The following RABGEF1 variants were observed in gnomAD, a reference collection of about 807,000 sequenced individuals.
RABGEF1 encodes the protein RAB guanine nucleotide exchange factor 1.
In RABGEF1, 26 loss-of-function variants were observed where a neutral mutation model predicts 57.3. The observed-to-expected ratio is 0.45, with a 90% CI of 0.33 to 0.63. The LOEUF is 0.63. RABGEF1 is among the 20% of genes least tolerant of loss of function. The pLI is 0.02. For synonymous variants in RABGEF1, 185 were observed against 210.7 expected (o/e 0.88, Z 1.06); for missense variants, 464 against 607.6 (o/e 0.76, Z 2.48).
At chr7:66,792,363 C>T (rs1461327590) in intron 4 of RABGEF1, among the ~76,000 whole-genome samples, 2 of 152,206 alleles carry the variant, frequency 1.3e-5, no homozygotes, top group Admixed American at 1.3e-4. Flanking sequence ...CATGGTTTCA[C>T]AGATACTGGC....
chr7:66,694,155 G>T (rs1307294273), intron 1 of RABGEF1, among the ~76,000 whole-genome samples: 1 of 152,208 alleles, frequency 6.6e-6, no homozygotes, highest in South Asian at 2.1e-4. Context: ...CCTGCAGAGA[G>T]AGCAGAAGGA....
chr7:66,708,914 G>A (rs535183026), intron 1 of RABGEF1, among the ~76,000 whole-genome samples: 1 of 151,966 alleles, frequency 6.6e-6, no homozygotes, highest in South Asian at 2.1e-4. Flanking sequence ...GGGGGATAGG[G>A]AAAAAAAGAA....
At chr7:66,739,372 G>C (rs1055295491), upstream of RABGEF1, among the ~76,000 whole-genome samples, 1 of 151,400 alleles carries the variant, frequency 6.6e-6, no homozygotes, top group Non-Finnish European at 1.5e-5. Flanking sequence ...TGAGAAACTC[G>C]GGCCGGGCGC....
intron 1 of RABGEF1, among the ~76,000 whole-genome samples, chr7:66,750,292 C>T (rs938882939): frequency 1.3e-5 from 2 of 152,222 alleles, no homozygotes; most frequent in African/African-American, 4.8e-5. Flanking sequence ...TACCCATATG[C>T]TAACTGCTGA....
intron 1 of RABGEF1, among the ~76,000 whole-genome samples, chr7:66,706,212 T>C (rs1288392985): frequency 6.6e-6 from 1 of 151,908 alleles, no homozygotes; most frequent in Admixed American, 6.6e-5. Flanking sequence ...TGTTTATTCA[T>C]TCATTCTTTT....
At chr7:66,788,873 T>C (rs1440546317) in intron 4 of RABGEF1, among the ~76,000 whole-genome samples, 1 of 152,012 alleles carries the variant, frequency 6.6e-6, no homozygotes, top group Non-Finnish European at 1.5e-5. Context: ...GAGAATCACT[T>C]GAACCTGGGA....
At chr7:66,777,070 G>A (rs1808729993) in intron 3 of RABGEF1, among the ~76,000 whole-genome samples, 1 of 152,190 alleles carries the variant, frequency 6.6e-6, no homozygotes, top group South Asian at 2.1e-4. Context: ...ACACACAGTA[G>A]ATCTCCAGTA....
chr7:66,697,092 C>T (rs567881570), intron 1 of RABGEF1, among the ~76,000 whole-genome samples: 8 of 152,154 alleles, frequency 5.3e-5, no homozygotes, highest in Non-Finnish European at 5.9e-5. Context: ...CTGTGTCAAC[C>T]AGGAAGCACA....
intron 2 of RABGEF1, among the ~76,000 whole-genome samples, chr7:66,732,777 C>T (rs186255722): frequency 6.6e-5 from 10 of 152,224 alleles, no homozygotes; most frequent in African/African-American, 2.4e-4. Flanking sequence ...CTTTCTCACT[C>T]GCTCTCTCTT....
intron 1 of RABGEF1, among the ~76,000 whole-genome samples, chr7:66,706,907 G>A (rs1041505627): frequency 1.1e-4 from 16 of 147,152 alleles, no homozygotes; most frequent in African/African-American, 3.3e-4. Context: ...TCAGCCTCCC[G>A]AGTAGCTGGG....
intron 2 of RABGEF1, among the ~76,000 whole-genome samples, chr7:66,730,562 T>TC (rs1400471408): frequency 6.7e-6 from 1 of 149,646 alleles, no homozygotes; most frequent in Non-Finnish European, 1.5e-5. Flanking sequence ...TTTTTCTTTT[T>TC]TTTTTTTTTT....
At chr7:66,751,251 G>T (rs901365242) in intron 1 of RABGEF1, among the ~76,000 whole-genome samples, 3 of 152,088 alleles carry the variant, frequency 2.0e-5, no homozygotes, top group Non-Finnish European at 1.5e-5. Flanking sequence ...GGCTGGTCTC[G>T]ATCTCCTGAC....
chr7:66,776,389 T>A (rs80057273), intron 3 of RABGEF1, among the ~76,000 whole-genome samples: 1 of 152,124 alleles, frequency 6.6e-6, no homozygotes, highest in African/African-American at 2.4e-5. Flanking sequence ...AAAACACACC[T>A]CTCTTTAAGA....
At chr7:66,806,640 C>CTTTTTTT (rs71997947) in intron 8 of RABGEF1, among the ~76,000 whole-genome samples, 2 of 114,620 alleles carry the variant, frequency 1.7e-5, no homozygotes, top group Non-Finnish European at 3.5e-5. Context: ...CTCATATATC[C>CTTTTTTT]TTTTTTTTTT....
At chr7:66,792,463 G>A (rs1257251108) in intron 4 of RABGEF1, among the ~76,000 whole-genome samples, 3 of 152,154 alleles carry the variant, frequency 2.0e-5, no homozygotes, top group Non-Finnish European at 4.4e-5. Context: ...GCTTATCCCC[G>A]AGTATCTGTT....
At chr7:66,742,569 A>G (rs1799234151) in intron 1 of RABGEF1, among the ~76,000 whole-genome samples, 1 of 152,102 alleles carries the variant, frequency 6.6e-6, no homozygotes, top group South Asian at 2.1e-4. Flanking sequence ...AGAGGGGGGA[A>G]TCAAAGGAGA....
intron 1 of RABGEF1, among the ~76,000 whole-genome samples, chr7:66,746,343 G>T (rs551330301): frequency 1.3e-5 from 2 of 150,772 alleles, no homozygotes; most frequent in East Asian, 2.0e-4. Flanking sequence ...TTGCTCTGTT[G>T]CCCAGGCTGG....
the RABGEF1 span, among the ~76,000 whole-genome samples, chr7:66,654,864 C>G: frequency 6.6e-6 from 1 of 152,256 alleles, no homozygotes; most frequent in Non-Finnish European, 1.5e-5. Context: ...GCGGCTTCTC[C>G]GTCTAACGTG....
At chr7:66,711,298 CTT>C (rs1794741984) in intron 1 of RABGEF1, among the ~76,000 whole-genome samples, 1 of 151,922 alleles carries the variant, frequency 6.6e-6, no homozygotes, top group Admixed American at 6.6e-5. Flanking sequence ...TCTAAGAACT[CTT>C]TGCCTAACCT....
Sources: gnomAD v4.1 joint callset for allele counts (sites outside exome capture counted in the v4.1 genomes callset) on GRCh38, gnomAD v4.1.1 for gene constraint, MANE v1.5 for transcripts, NCBI Gene and HGNC (gene_info 2026-07-23, HGNC 2026-07-21) for gene names.